Variants in CPED1 observed in about 807,000 individuals in gnomAD.
CPED1 encodes the protein cadherin-like and PC-esterase domain-containing protein 1.
Under a neutral mutation model 128.2 loss-of-function variants are expected in CPED1, and 114 were observed. That is an observed-to-expected ratio of 0.89 (90% confidence interval 0.76 to 1.04). The LOEUF (loss-of-function observed/expected upper bound fraction) is 1.04. CPED1 is among the 50% of genes least tolerant of loss of function. CPED1 has a pLI of 0.00. For missense variants in CPED1, 1,211 were observed against 1,207.1 expected (o/e 1.00, Z -0.05); for synonymous variants, 462 against 426.7 (o/e 1.08, Z -1.02).
intron 3 of CPED1, among the ~76,000 whole-genome samples, chr7:121,030,820 CT>C (rs1792709523): frequency 6.6e-6 from 1 of 152,144 alleles, no homozygotes; most frequent in Non-Finnish European, 1.5e-5. Flanking sequence ...GGGGGGAGGT[CT>C]TGAAACATAT....
intron 22 of CPED1, among the ~76,000 whole-genome samples, chr7:121,290,512 G>A (rs1321075168): frequency 2.6e-5 from 4 of 152,196 alleles, no homozygotes; most frequent in Non-Finnish European, 5.9e-5. Flanking sequence ...ACTGGCATGA[G>A]ATGGTATCTC....
In CPED1 at chr7:121,248,594, CA is replaced by C. The variant is rs36015608; in HGVS notation, c.2310+4275del. On this transcript the variant is annotated intron_variant, in intron 18 of 22. Coordinates refer to ENST00000310396, the MANE Select transcript of CPED1 (RefSeq NM_024913.5). Reference sequence around the variant, plus strand: ...GCTAATATAGCAGCACCCTGTGAAACAAAAAAAAAAAAAAAAAAAGCATTAA... The same window carrying C: ...GCTAATATAGCAGCACCCTGTGAAACAAAAAAAAAAAAAAAAAAGCATTAA... 3.3e-3 allele frequency among the ~76,000 whole-genome samples: 386 copies of C among 118,408 alleles called. 1 individual carries two copies. Among genetic ancestry groups the C allele is most frequent in the Middle Eastern group, 9.1e-3 (2 of 220 alleles). 77.7% of individuals were successfully genotyped at this position (118,408 alleles called of 152,430 possible).
At chr7:121,090,295 T>C (rs1047755927) in intron 5 of CPED1, among the ~76,000 whole-genome samples, 3 of 152,230 alleles carry the variant, frequency 2.0e-5, no homozygotes, top group African/African-American at 7.2e-5. Flanking sequence ...GGTCAAATTG[T>C]GTCTCCACTT....
intron 6 of CPED1, among the ~76,000 whole-genome samples, chr7:121,098,423 C>T (rs947306863): frequency 2.0e-5 from 3 of 151,902 alleles, no homozygotes; most frequent in African/African-American, 7.3e-5. Context: ...CATCTTGTGC[C>T]AACCTAGAAT....
chr7:121,177,193 G>GT (rs2116486852), intron 16 of CPED1, among the ~76,000 whole-genome samples: 1 of 152,018 alleles, frequency 6.6e-6, no homozygotes, highest in Admixed American at 6.6e-5. Flanking sequence ...TGCTTTCCTT[G>GT]TGAGAGAGAT....
chr7:121,197,521 A>G (rs1010249273), intron 16 of CPED1, among the ~76,000 whole-genome samples: 5 of 152,112 alleles, frequency 3.3e-5, no homozygotes, highest in Non-Finnish European at 7.4e-5. Flanking sequence ...TGAGGAAACT[A>G]AGGCACAGGG....
intron 7 of CPED1, among the ~76,000 whole-genome samples, chr7:121,112,007 C>G (rs953901549): frequency 2.6e-5 from 4 of 152,152 alleles, no homozygotes; most frequent in African/African-American, 9.7e-5. Flanking sequence ...CACTCACGCT[C>G]CTAGATATTG....
At chr7:121,022,871 T>C (rs1056134903) in intron 3 of CPED1, among the ~76,000 whole-genome samples, 1 of 152,050 alleles carries the variant, frequency 6.6e-6, no homozygotes, top group African/African-American at 2.4e-5. Flanking sequence ...CTTCCAGTTC[T>C]TTGCTTTGAA....
At chr7:121,243,117 T>C (rs1050063120) in intron 17 of CPED1, among the ~76,000 whole-genome samples, 1 of 152,144 alleles carries the variant, frequency 6.6e-6, no homozygotes, top group Non-Finnish European at 1.5e-5. Flanking sequence ...GTTTTTTCCT[T>C]TCTAACTCAA....
At chr7:121,019,227 T>A (rs533386738) in intron 3 of CPED1, among the ~76,000 whole-genome samples, 1 of 152,052 alleles carries the variant, frequency 6.6e-6, no homozygotes, top group East Asian at 1.9e-4. Context: ...GATGTCTCTA[T>A]TGGGAGAGAT....
intron 5 of CPED1, among the ~76,000 whole-genome samples, chr7:121,090,913 G>GCA (rs1341433480): frequency 6.6e-6 from 1 of 151,880 alleles, no homozygotes; most frequent in East Asian, 1.9e-4. Context: ...CCTGCCACTG[G>GCA]CACTCCAGCC....
intron 22 of CPED1, among the ~76,000 whole-genome samples, chr7:121,276,025 A>G (rs562766765): frequency 1.2e-3 from 178 of 152,152 alleles, no homozygotes; most frequent in African/African-American, 4.1e-3. Flanking sequence ...AGAACCCAGA[A>G]TTTAACTTTC....
intron 6 of CPED1, among the ~76,000 whole-genome samples, chr7:121,098,262 G>A (rs1794750103): frequency 6.6e-6 from 1 of 151,802 alleles, no homozygotes. Context: ...GTTTTCTCCA[G>A]GGAAAGGATT....
At position 121,097,757 on chromosome 7, in the gene CPED1, G is replaced by A. The variant is rs778046761; in HGVS notation, c.675G>A (p.Pro225=). Residue 225 remains proline (P), a synonymous_variant, in exon 6 of 23, where the codon CCG becomes CCA. Transcript: ENST00000310396. ...TGGATCAGGGAATGCAATTAAAGCC[G>A]AGTACTTCGAGTCACCTTTTAAAAA... The part of the protein sequence containing the change: ...VCLDQGMQLK[P]STSSHLLKTV... The A allele has an allele frequency of 1.1e-5, 18 of 1,613,710 alleles. No homozygotes were observed. Among genetic ancestry groups the A allele is most frequent in the South Asian group, 2.2e-5 (2 of 91,088 alleles).
intron 16 of CPED1, among the ~76,000 whole-genome samples, chr7:121,173,182 T>C (rs1336296913): frequency 6.6e-6 from 1 of 152,134 alleles, no homozygotes; most frequent in Non-Finnish European, 1.5e-5. Context: ...AAAATAATAG[T>C]GTTTACATCT....
At chr7:121,231,160 T>C (rs1263283956) in intron 16 of CPED1, among the ~76,000 whole-genome samples, 1 of 152,008 alleles carries the variant, frequency 6.6e-6, no homozygotes, top group Admixed American at 6.6e-5. Context: ...AGAATCTTCT[T>C]TGAGTTGGTA....
intron 16 of CPED1, among the ~76,000 whole-genome samples, chr7:121,214,282 A>C (rs1797709375): frequency 6.6e-6 from 1 of 151,942 alleles, no homozygotes; most frequent in African/African-American, 2.4e-5. Flanking sequence ...TGCTCCTTAG[A>C]GTATTTTATC....
intron 7 of CPED1, among the ~76,000 whole-genome samples, chr7:121,114,481 G>A (rs1005875825): frequency 1.3e-5 from 2 of 152,204 alleles, no homozygotes; most frequent in African/African-American, 4.8e-5. Context: ...GTAAAAGCAG[G>A]CTGAATATTT....
At chr7:121,029,561 A>G (rs1473198926) in intron 3 of CPED1, among the ~76,000 whole-genome samples, 1 of 152,172 alleles carries the variant, frequency 6.6e-6, no homozygotes, top group African/African-American at 2.4e-5. Flanking sequence ...CAGATAGCAA[A>G]TGTATCAGGA....
Sources: allele counts gnomAD v4.1 joint callset (sites outside exome capture counted in the v4.1 genomes callset), GRCh38; gene constraint gnomAD v4.1.1; transcripts MANE v1.5; gene names NCBI Gene and HGNC (gene_info 2026-07-23, HGNC 2026-07-21).